The following TAF6 variants were observed in gnomAD, a reference collection of about 807,000 sequenced individuals.
TAF6 encodes TATA-box binding protein associated factor 6.
In TAF6, 50 loss-of-function variants were observed where a neutral mutation model predicts 73.5. That is an observed-to-expected ratio of 0.68 (90% confidence interval 0.54 to 0.86). The LOEUF (loss-of-function observed/expected upper bound fraction) is 0.86, where lower values mean the gene tolerates loss of function less well. Among genes scored for constraint, TAF6 ranks in the 40% least tolerant of loss-of-function variants. The pLI is 0.00. For synonymous variants in TAF6, 424 were observed against 376.7 expected, an observed-to-expected ratio of 1.13 and a Z score of -1.45; for missense variants, 768 against 899.5, an observed-to-expected ratio of 0.85 and a Z score of 1.87.
Position 100,107,464 on chromosome 7 carries a change from A to ACTT in TAF6, c.1813_1815dup (p.Lys605dup), listed in dbSNP as rs761681706. ...GTTGGGGGAAGTGAGACCACGATGT[A>ACTT]CTTCTGGACACTCCCAGGACCAGAG... On this transcript the variant is annotated inframe_insertion, in exon 15 of 15. Transcript: ENST00000453269. 3 of 1,613,146 alleles carry ACTT rather than the reference A, an allele frequency of 1.9e-6. No individual in the cohort carries two copies. The highest frequency in any genetic ancestry group is 2.5e-6 in the Non-Finnish European group (3 of 1,179,428).
upstream of TAF6, chr7:100,122,454 G>A: frequency 6.2e-7 from 1 of 1,614,100 alleles, no homozygotes; most frequent in South Asian, 1.1e-5. Context: ...AGCATCCAGG[G>A]AATCTTTGTT....
At chr7:100,127,162 G>GGCCGAGGGGGCCGAGGAC in the TAF6 span, 3 of 541,472 alleles carry the variant, frequency 5.5e-6, no homozygotes. The surrounding 1 kb of genome is among the most constrained non-coding windows in gnomAD (Gnocchi z 4.6). Context: ...ATGGGGCGGG[G>GGCCGAGGGGGCCGAGGAC]GCCGAGGACG....
intron 10 of TAF6, among the ~76,000 whole-genome samples, chr7:100,110,710 C>A (rs1797095401): frequency 6.6e-6 from 1 of 152,230 alleles, no homozygotes; most frequent in Non-Finnish European, 1.5e-5. Flanking sequence ...ACTCGGGAGG[C>A]TGAGGCAGGA....
rs577267950 is a variant in TAF6 at position 100,111,928 on chromosome 7, C to T, written c.792G>A (p.Ser264=). Reference sequence around the variant, plus strand: ...TGGAACCTCATGCTCTCACCCCCTCCGAGATAAAGGTACTGAACCGTGGCA... The same window carrying T: ...TGGAACCTCATGCTCTCACCCCCTCTGAGATAAAGGTACTGAACCGTGGCA... The part of the protein sequence containing the change: ...QMLPRFSTFI[S]EGVRVNVVQN... The change falls in exon 8 of 15, where the codon TCG becomes TCA. Residue 264 remains serine, a synonymous_variant. Coordinates refer to ENST00000453269, the MANE Select transcript of TAF6 (RefSeq NM_139315.3). 8.7e-5 allele frequency: 141 copies of T among 1,614,102 alleles called. No homozygotes were observed. In the South Asian group the frequency reaches 1.4e-3, roughly 16 times the overall value.
At chr7:100,112,590 C>A (rs528278732) in intron 6 of TAF6, among the ~76,000 whole-genome samples, 95 of 151,910 alleles carry the variant, frequency 6.3e-4, no homozygotes, top group Non-Finnish European at 2.2e-4. Flanking sequence ...TGGTGGGCAC[C>A]TGTAAGCCCA....
At chr7:100,114,490 C>T (rs1371189400) in intron 1 of TAF6, 21 of 609,136 alleles carry the variant, frequency 3.4e-5, no homozygotes, top group East Asian at 2.2e-4. Flanking sequence ...GAGGACGAGG[C>T]GGGCGGATCA....
chr7:100,125,807 G>GC, the TAF6 span, among the ~76,000 whole-genome samples: 1 of 152,150 alleles, frequency 6.6e-6, no homozygotes, highest in East Asian at 1.9e-4. Flanking sequence ...ACTTTGGGAG[G>GC]CCGAGGCAGG....
intron 14 of TAF6, 124 bp from the exon 15 acceptor site, chr7:100,107,747 C>G: frequency 6.9e-7 from 1 of 1,450,894 alleles, no homozygotes; most frequent in Non-Finnish European, 9.2e-7. Context: ...CTGTAGACAG[C>G]TATGGCTGGA....
chr7:100,108,207 C>T lies in TAF6; in HGVS notation c.1459-84G>A, dbSNP rs1409239984. 2.2e-5 allele frequency: 33 copies of T among 1,478,556 alleles called. No homozygotes were observed. The East Asian group carries it at 2.9e-4, about 13-fold the overall frequency. The allele number at this position is 1,478,556 out of a possible 1,614,324, so 91.6% of individuals were successfully genotyped here. A position where few individuals can be genotyped will look rare whatever the true frequency, so the allele number is the denominator to read the frequency against. On this transcript the variant is annotated intron_variant, in intron 13 of 14. Transcript: ENST00000453269. ...GGGAGAGGCCTGGGCTCCCCTCGCT[C>T]TTCCTCAGTGGCTCTCACTAGGGCT...
In TAF6 at chr7:100,112,704, G is replaced by A. The variant is rs138109632; in HGVS notation, c.574+94C>T. The A allele has an allele frequency of 4.8e-6, 7 of 1,457,316 alleles. No individual in the cohort carries two copies. The African/African-American group carries it at 1.0e-4, about 21-fold the overall frequency. 90.3% of individuals were successfully genotyped at this position (1,457,316 alleles called of 1,614,324 possible). A position where few individuals can be genotyped will look rare whatever the true frequency, so the allele number is the denominator to read the frequency against. Reference sequence around the variant, plus strand: ...CACTCCAGCCTGGGTGACAGAGTGAGACTCTGTCTCAAAAACAAAAAAAAA... The same window carrying A: ...CACTCCAGCCTGGGTGACAGAGTGAAACTCTGTCTCAAAAACAAAAAAAAA... On this transcript the variant is annotated intron_variant, in intron 6 of 14. Coordinates refer to ENST00000453269, the MANE Select transcript of TAF6 (RefSeq NM_139315.3).
At chr7:100,108,568 AGG>A in intron 12 of TAF6, 28 bp from the exon 13 acceptor site, 1 of 1,572,082 alleles carries the variant, frequency 6.4e-7, no homozygotes, top group South Asian at 1.1e-5. Context: ...AGCCAGGTAG[AGG>A]GAGGGCTGGG....
intron 1 of TAF6, chr7:100,116,501 T>C (rs967194852): frequency 2.0e-5 from 3 of 152,106 alleles, no homozygotes; most frequent in Non-Finnish European, 1.5e-5. Context: ...TAGATGGGCA[T>C]GGTGGCGGGC....
In TAF6 at chr7:100,109,935, G is replaced by A. The variant is rs1298592801; in HGVS notation, c.1284+13C>T. ...TCTCAGTGGGCAGGTGTGGGGACAGGGGCTTCAGTCACCAGCAGGAGGCTC... is the reference window on the plus strand; with the variant it reads ...TCTCAGTGGGCAGGTGTGGGGACAGAGGCTTCAGTCACCAGCAGGAGGCTC... On this transcript the variant is annotated intron_variant, in intron 12 of 14. Transcript: ENST00000453269. 7 of 1,613,654 alleles carry A rather than the reference G, an allele frequency of 4.3e-6. No homozygotes were observed. Among genetic ancestry groups the A allele is most frequent in the Non-Finnish European group, 5.1e-6 (6 of 1,179,894 alleles).
At position 100,107,614 on chromosome 7, in the gene TAF6, G is replaced by A. The variant is rs755554023; in HGVS notation, c.1666C>T (p.Leu556Phe). ...CCTGAGCCGGGGGCCGAGGTGCTGAGGGACAGGACCTGGATAGAAAGGAAA... is the reference window on the plus strand; with the variant it reads ...CCTGAGCCGGGGGCCGAGGTGCTGAAGGACAGGACCTGGATAGAAAGGAAA... ...SAPSTQQVLS[L>F]STSAPGSGST... is the part of the protein sequence containing the mutation. The change falls in exon 15 of 15, where the codon CTC becomes TTC. Residue 556 changes from leucine (L) to phenylalanine (F), a missense_variant. Physicochemically the swap from Leu to Phe is conservative, Grantham distance 22 (BLOSUM62 0). Around this residue, in one of 5 missense-constraint regions of TAF6, gnomAD observed 350 missense variants for 352.3 expected, o/e 0.99. Coordinates refer to ENST00000453269, the MANE Select transcript of TAF6 (RefSeq NM_139315.3). The A allele has an allele frequency of 7.4e-6, 12 of 1,612,822 alleles. No individual in the cohort carries two copies. The highest frequency in any genetic ancestry group is 1.8e-4 in the Middle Eastern group (1 of 5,640).
chr7:100,111,743 G>C lies in TAF6; in HGVS notation c.885C>G (p.Leu295=). The change falls in exon 9 of 15, where the codon CTC becomes CTG. Residue 295 remains leucine, a synonymous_variant. Coordinates refer to ENST00000453269, the MANE Select transcript of TAF6 (RefSeq NM_139315.3). ...MVKALMDNPT[L]YLEKYVHELI... is the part of the protein sequence containing the mutation. ...GATCACTCACGTATTTTTCTAGATA[G>C]AGCGTGGGGTTGTCCATCAGCGCTT... The C allele has an allele frequency of 6.2e-7, 1 of 1,614,186 alleles. No individual in the cohort carries two copies. The highest frequency in any genetic ancestry group is 8.5e-7 in the Non-Finnish European group (1 of 1,180,020).
chr7:100,111,701 G>A (rs2116780347), intron 9 of TAF6, 27 bp downstream of exon 9: 1 of 1,608,554 alleles, frequency 6.2e-7, no homozygotes, highest in Non-Finnish European at 8.5e-7. Flanking sequence ...CTAGTCCCTG[G>A]AAGGGAGGAT....
At chr7:100,119,453 A>C, upstream of TAF6, 2 of 1,304,194 alleles carry the variant, frequency 1.5e-6, no homozygotes, top group Non-Finnish European at 1.9e-6. Context: ...ATGAAATTAT[A>C]TTTTAAAAGT....
chr7:100,111,501 C>T (rs1429618138), intron 9 of TAF6, among the ~76,000 whole-genome samples, 180 bp from the exon 10 acceptor site: 4 of 152,204 alleles, frequency 2.6e-5, no homozygotes, highest in Admixed American at 6.5e-5. Flanking sequence ...CACAGGTGTG[C>T]ACCACCATGC....
chr7:100,108,547 A>G lies in TAF6; in HGVS notation c.1285-7T>C. On this transcript the variant is annotated splice_polypyrimidine_tract_variant and splice_region_variant and intron_variant, in intron 12 of 14. Transcript: ENST00000453269. ...GAACAGGAGCACAGTGTTTCTGCAG[A>G]ACAGAAAAAAAGCCAGGTAGAGGGA... The G allele has an allele frequency of 1.3e-6, 2 of 1,588,468 alleles. No homozygotes were observed. Among genetic ancestry groups the G allele is most frequent in the Non-Finnish European group, 1.7e-6 (2 of 1,162,036 alleles).
Sources: allele counts gnomAD v4.1 joint callset (sites outside exome capture counted in the v4.1 genomes callset), GRCh38; gene constraint gnomAD v4.1.1; regional missense constraint gnomAD v4.1.1; non-coding constraint Gnocchi (gnomAD v3.1); transcripts MANE v1.5; gene names NCBI Gene and HGNC (gene_info 2026-07-23, HGNC 2026-07-21).